The following CDH4 variants were observed in gnomAD, a reference collection of about 807,000 sequenced individuals.
CDH4 encodes cadherin-4.
Under a neutral mutation model 86.0 loss-of-function variants are expected in CDH4, and 33 were observed. That is an observed-to-expected ratio of 0.38 (90% CI 0.29 to 0.51). CDH4 has a LOEUF of 0.51. Among genes scored for constraint, CDH4 ranks in the 20% least tolerant of loss-of-function variants. CDH4 has a pLI of 0.86. For synonymous variants in CDH4, 555 were observed against 549.4 expected (o/e 1.01, Z -0.14); for missense variants, 1,114 against 1,307.4 (o/e 0.85, Z 2.28).
At chr20:61,630,253 C>A (rs1339743552) in intron 2 of CDH4, among the ~76,000 whole-genome samples, 3 of 152,206 alleles carry the variant, frequency 2.0e-5, no homozygotes, top group Admixed American at 6.5e-5. Flanking sequence ...CCTCCTAACA[C>A]TTCTGTACTG....
chr20:61,855,479 C>T (rs993897032), intron 6 of CDH4, among the ~76,000 whole-genome samples: 2 of 152,172 alleles, frequency 1.3e-5, no homozygotes, highest in African/African-American at 4.8e-5. Flanking sequence ...CGCAAGGGTG[C>T]AGATGTGGAG....
At chr20:61,425,328 C>T (rs1204079315) in intron 2 of CDH4, among the ~76,000 whole-genome samples, 4 of 152,252 alleles carry the variant, frequency 2.6e-5, no homozygotes, top group South Asian at 2.1e-4. Context: ...TGGAGCCACC[C>T]TCGACACTAG....
intron 2 of CDH4, among the ~76,000 whole-genome samples, chr20:61,629,100 G>A (rs2086858773): frequency 6.6e-6 from 1 of 152,254 alleles, no homozygotes; most frequent in African/African-American, 2.4e-5. Flanking sequence ...AGGTTCAGCT[G>A]CAGTCCCCAG....
chr20:61,749,226 C>A (rs1280629558), intron 3 of CDH4, among the ~76,000 whole-genome samples: 1 of 151,816 alleles, frequency 6.6e-6, no homozygotes, highest in African/African-American at 2.4e-5. Flanking sequence ...AATATTTATG[C>A]CAAAATTGAT....
rs572911514 is a variant in CDH4 at position 61,709,941 on chromosome 20, C to T, written c.170-33622C>T. Among the ~76,000 whole-genome samples the T allele has an allele frequency of 3.0e-3, 452 of 152,242 alleles. 1 individual carries two copies. Among genetic ancestry groups the T allele is most frequent in the Non-Finnish European group, 5.9e-3 (399 of 68,028 alleles). ...TGAGAGTTTTTTTCATTAGCGGGATCGGGCAAGACCATCTGTGTGTTGTAG... is the reference window on the plus strand; with the variant it reads ...TGAGAGTTTTTTTCATTAGCGGGATTGGGCAAGACCATCTGTGTGTTGTAG... On this transcript the variant is annotated intron_variant, in intron 2 of 15. Coordinates refer to ENST00000614565, the MANE Select transcript of CDH4 (RefSeq NM_001794.5). This position sits in a 1 kb window ranked among gnomAD's most constrained non-coding sequence, Gnocchi z 4.8.
At chr20:61,403,687 A>G (rs968686122) in intron 2 of CDH4, among the ~76,000 whole-genome samples, 5 of 152,000 alleles carry the variant, frequency 3.3e-5, no homozygotes, top group African/African-American at 1.2e-4. Flanking sequence ...GGCTGTGCTC[A>G]CCTCTTGTGT....
At chr20:61,590,371 C>G (rs6121713) in intron 2 of CDH4, among the ~76,000 whole-genome samples, 8,493 of 152,204 alleles carry the variant, frequency 0.056, 425 homozygotes, top group African/African-American at 0.13. Flanking sequence ...TGGGTGGGGG[C>G]AGCCCTGGCG....
At chr20:61,484,343 C>G (rs979150688) in intron 2 of CDH4, among the ~76,000 whole-genome samples, 3 of 152,230 alleles carry the variant, frequency 2.0e-5, no homozygotes, top group African/African-American at 7.2e-5. Context: ...CCGCAACCCC[C>G]ACTTTCTCCC....
intron 7 of CDH4, among the ~76,000 whole-genome samples, chr20:61,882,615 A>G (rs6089539): frequency 0.53 from 79,974 of 151,952 alleles, 22,625 homozygotes; most frequent in Non-Finnish European, 0.63. Context: ...CGGGGTTCCG[A>G]CGCCAGGCCC....
At chr20:61,375,632 A>G (rs1480795667) in intron 2 of CDH4, among the ~76,000 whole-genome samples, 1 of 110,500 alleles carries the variant, frequency 9.0e-6, no homozygotes, top group Non-Finnish European at 1.8e-5. Flanking sequence ...TGGTTTGTTG[A>G]TGGTAGTGTG....
intron 2 of CDH4, among the ~76,000 whole-genome samples, chr20:61,262,709 A>G (rs2084134273): frequency 6.6e-6 from 1 of 151,998 alleles, no homozygotes; most frequent in Admixed American, 6.6e-5. Context: ...TTATGTTGCA[A>G]ATGGAGGTGG....
intron 2 of CDH4, among the ~76,000 whole-genome samples, chr20:61,349,897 A>G (rs1434196192): frequency 6.6e-6 from 1 of 152,166 alleles, no homozygotes; most frequent in African/African-American, 2.4e-5. Flanking sequence ...AGGGCAGCTC[A>G]TGCTACCATT....
intron 2 of CDH4, among the ~76,000 whole-genome samples, chr20:61,624,689 A>AC (rs377040194): frequency 2.3e-3 from 344 of 152,356 alleles, no homozygotes; most frequent in Middle Eastern, 0.01. Flanking sequence ...GAAGAACTGG[A>AC]CCAGGGGCCC....
At chr20:61,521,439 G>C (rs1600727120) in intron 2 of CDH4, among the ~76,000 whole-genome samples, 1 of 152,200 alleles carries the variant, frequency 6.6e-6, no homozygotes, top group African/African-American at 2.4e-5. Flanking sequence ...TCTCTCTTTT[G>C]CTGGAAGGTT....
rs183584304 is a variant in CDH4, at chr20:61,477,586, C to T, written c.169+222649C>T. On this transcript the variant is annotated intron_variant, in intron 2 of 15. Coordinates refer to ENST00000614565, the MANE Select transcript of CDH4 (RefSeq NM_001794.5). ...TCCACATAGGTCCACATCCCGCCTTCCTTGAGCTCAGTCTGCTCCCAGCTG... is the reference window on the plus strand; with the variant it reads ...TCCACATAGGTCCACATCCCGCCTTTCTTGAGCTCAGTCTGCTCCCAGCTG... Among the ~76,000 whole-genome samples, 575 of 152,346 alleles carry T rather than the reference C, an allele frequency of 3.8e-3. 2 individuals carry two copies. Among genetic ancestry groups the T allele is most frequent in the Admixed American group, 7.6e-3 (117 of 15,312 alleles).
At chr20:61,634,727 A>ATTT (rs2086929467) in intron 2 of CDH4, among the ~76,000 whole-genome samples, 1 of 152,228 alleles carries the variant, frequency 6.6e-6, no homozygotes, top group Admixed American at 6.5e-5. Context: ...GCGTTAGTGT[A>ATTT]TTCACATAGC....
At chr20:61,560,650 C>A (rs1299457540) in intron 2 of CDH4, among the ~76,000 whole-genome samples, 1 of 152,248 alleles carries the variant, frequency 6.6e-6, no homozygotes, top group East Asian at 1.9e-4. Context: ...CTGGCGAGGG[C>A]TGAGTGCCTG....
At position 61,676,953 on chromosome 20, in the gene CDH4, A is replaced by G. The variant is rs2087450829; in HGVS notation, c.170-66610A>G. 6.6e-6 allele frequency among the ~76,000 whole-genome samples: 1 copy of G among 152,158 alleles called. No individual in the cohort carries two copies. The highest frequency in any genetic ancestry group is 1.5e-5 in the Non-Finnish European group (1 of 68,014). On this transcript the variant is annotated intron_variant, in intron 2 of 15. Transcript: ENST00000614565. This position sits in a 1 kb window ranked among gnomAD's most constrained non-coding sequence, Gnocchi z 4.5. Reference sequence around the variant, plus strand: ...CAGGCTGCAGTGGGACCAGCGGTCCAAGACCTTGGGGCAGGAGGGGCTGTG... The same window carrying G: ...CAGGCTGCAGTGGGACCAGCGGTCCGAGACCTTGGGGCAGGAGGGGCTGTG...
intron 2 of CDH4, among the ~76,000 whole-genome samples, chr20:61,668,304 C>T (rs553991180): frequency 2.2e-4 from 33 of 152,316 alleles, no homozygotes; most frequent in Non-Finnish European, 4.0e-4. Flanking sequence ...CAGACAGACA[C>T]GCACATGCAT....
Sources: gnomAD v4.1 joint callset for allele counts (sites outside exome capture counted in the v4.1 genomes callset) on GRCh38, gnomAD v4.1.1 for gene constraint, Gnocchi (gnomAD v3.1) non-coding constraint, MANE v1.5 for transcripts, NCBI Gene and HGNC (gene_info 2026-07-23, HGNC 2026-07-21) for gene names.